The following PHIP variants were observed in gnomAD, a reference collection of about 807,000 sequenced individuals.
PHIP encodes the protein PHIP subunit of CUL4-Ring ligase complex, also known as PH-interacting protein.
PHIP carries 54 observed loss-of-function variants against 236.8 expected under a neutral mutation model. That is an observed-to-expected ratio of 0.23 (90% CI 0.18 to 0.29). The LOEUF (loss-of-function observed/expected upper bound fraction) is 0.29. Ranked by LOEUF, PHIP falls within the 10% of genes least tolerant of loss-of-function variation. PHIP has a pLI of 1.00. For missense variants in PHIP, 1,370 were observed against 2,190.8 expected, an observed-to-expected ratio of 0.63 and a Z score of 7.48; for synonymous variants, 756 against 718.9, an observed-to-expected ratio of 1.05 and a Z score of -0.83.
chr6:78,946,471 A>G (rs771343573), intron 37 of PHIP: 698 of 1,399,248 alleles, frequency 5.0e-4, no homozygotes, highest in Middle Eastern at 1.1e-3. Flanking sequence ...GGAAAGCATG[A>G]TGCCATCACT....
At chr6:79,001,032 A>G (rs1769959265) in intron 17 of PHIP, among the ~76,000 whole-genome samples, 1 of 152,112 alleles carries the variant, frequency 6.6e-6, no homozygotes, top group South Asian at 2.1e-4. Context: ...CTCCTTACAG[A>G]ATCTAATTTC....
intron 6 of PHIP, among the ~76,000 whole-genome samples, chr6:79,048,887 A>G (rs1472181274): frequency 2.6e-5 from 4 of 152,124 alleles, no homozygotes; most frequent in Non-Finnish European, 5.9e-5. Flanking sequence ...TGGAGAACCA[A>G]TTTTTATACA....
At chr6:78,942,936 G>C (rs989493280) in intron 39 of PHIP, among the ~76,000 whole-genome samples, 1 of 152,110 alleles carries the variant, frequency 6.6e-6, no homozygotes, top group Non-Finnish European at 1.5e-5. Flanking sequence ...AAGGAATTCA[G>C]AAGTTTTTTA....
chr6:78,966,515 TC>T (rs1480213985), intron 27 of PHIP, among the ~76,000 whole-genome samples: 1 of 152,084 alleles, frequency 6.6e-6, no homozygotes, highest in African/African-American at 2.4e-5. Flanking sequence ...CAACATAAAA[TC>T]CAACCTGTCT....
intron 10 of PHIP, 26 bp downstream of exon 10, chr6:79,019,063 C>T (rs1770981427): frequency 1.9e-6 from 3 of 1,553,454 alleles, no homozygotes; most frequent in Admixed American, 1.7e-5. Context: ...AACTTTAAGT[C>T]GAAAATTAGA....
chr6:79,077,805 C>CGCCCGCGAGCGGCGAGCGCCGGCCCG, intron 2 of PHIP, 50 bp downstream of exon 2: 2 of 1,094,424 alleles, frequency 1.8e-6, no homozygotes, highest in Non-Finnish European at 2.2e-6. Context: ...CCCTCCCCCA[C>CGCCCGCGAGCGGCGAGCGCCGGCCCG]GCCCGCGAGC....
intron 7 of PHIP, among the ~76,000 whole-genome samples, chr6:79,037,965 T>C (rs67143444): frequency 0.11 from 16,198 of 152,264 alleles, 889 homozygotes; most frequent in Middle Eastern, 0.19. Context: ...TACAATGTAT[T>C]AGAAGCACAA....
intron 39 of PHIP, 99 bp from the exon 40 acceptor site, chr6:78,941,429 G>A: frequency 3.0e-6 from 2 of 661,420 alleles, no homozygotes; most frequent in Non-Finnish European, 5.0e-6. Flanking sequence ...TATATGTAAT[G>A]ACATAATCCA....
intron 7 of PHIP, 21 bp from the exon 8 acceptor site, chr6:79,026,185 T>A: frequency 6.6e-7 from 1 of 1,509,460 alleles, no homozygotes; most frequent in Non-Finnish European, 9.2e-7. Context: ...GAATGGATAT[T>A]AATAGAATTA....
chr6:79,053,465 A>G (rs977691013), intron 6 of PHIP, among the ~76,000 whole-genome samples: 3 of 152,228 alleles, frequency 2.0e-5, no homozygotes, highest in Non-Finnish European at 4.4e-5. Flanking sequence ...GTGCCATAAA[A>G]GTTAATTTAA....
At position 79,037,880 on chromosome 6, in the gene PHIP, T is replaced by TAAC. The variant is rs544908975; in HGVS notation, c.600+4960_600+4962dup. 6.3e-4 allele frequency among the ~76,000 whole-genome samples: 96 copies of TAAC among 152,158 alleles called. 1 individual carries two copies. In the South Asian group the frequency reaches 8.1e-3, roughly 13 times the overall value. On this transcript the variant is annotated intron_variant, in intron 7 of 39. Coordinates refer to ENST00000275034, the MANE Select transcript of PHIP (RefSeq NM_017934.7). ...TGCAAGGCACTACAGATCTAAAAAA[T>TAAC]AACAACAAAGGCAAAGACAAAGCTC...
chr6:78,969,378 C>T (rs1767371181), intron 27 of PHIP, among the ~76,000 whole-genome samples: 2 of 152,130 alleles, frequency 1.3e-5, no homozygotes. Flanking sequence ...TAAATTAATG[C>T]ACCTTAAGTG....
At chr6:78,990,611 G>A (rs1769175991) in intron 20 of PHIP, among the ~76,000 whole-genome samples, 1 of 152,112 alleles carries the variant, frequency 6.6e-6, no homozygotes, top group Admixed American at 6.5e-5. Flanking sequence ...AGTTCTTGAT[G>A]AGGCTTCAGT....
At chr6:78,946,346 T>C in intron 37 of PHIP, 86 bp from the exon 38 acceptor site, 4 of 1,437,054 alleles carry the variant, frequency 2.8e-6, no homozygotes, top group Non-Finnish European at 3.7e-6. Context: ...ATTCAATATT[T>C]GTACTATTAT....
At position 78,988,341 on chromosome 6, in the gene PHIP, A is replaced by C; in HGVS notation, c.2328T>G (p.Ala776=). Reference sequence around the variant, plus strand: ...CTCCAAGATCCAGGAAATGCTCATGAGCATGATTCTAGAAAAAAATAAATT... The same window carrying C: ...CTCCAAGATCCAGGAAATGCTCATGCGCATGATTCTAGAAAAAAATAAATT... ...NKIPTVSKNH[A]HEHFLDLGES... The change falls in exon 21 of 40, where the codon GCT becomes GCG. Residue 776 remains alanine (A), a synonymous_variant. Transcript: ENST00000275034. 6.3e-7 allele frequency: 1 copy of C among 1,583,752 alleles called. No homozygotes were observed. Among genetic ancestry groups the C allele is most frequent in the Non-Finnish European group, 8.6e-7 (1 of 1,166,042 alleles).
intron 12 of PHIP, 117 bp downstream of exon 12, chr6:79,017,229 G>A: frequency 1.6e-6 from 1 of 607,714 alleles, no homozygotes; most frequent in Non-Finnish European, 2.8e-6. Context: ...AGTATAACTG[G>A]TCAAGATCTT....
At position 79,015,767 on chromosome 6, in the gene PHIP, T is replaced by C. The variant is rs1423050884; in HGVS notation, c.1252A>G (p.Ile418Val). 2.5e-6 allele frequency: 4 copies of C among 1,610,518 alleles called. No individual in the cohort carries two copies. Among genetic ancestry groups the C allele is most frequent in the African/African-American group, 2.7e-5 (2 of 74,878 alleles). ...TRPAGQNLQG[I>V]EDKITKMKVT... ...TTCATTTTTGTGATTTTATCTTCTA[T>C]TCCTTGAAGGTTTTGGCTGAAAGTG... The change falls in exon 14 of 40, where the codon ATA (isoleucine) becomes GTA (valine). Residue 418 changes from isoleucine (I) to valine (V), a missense_variant. By Grantham distance (29) the Ile-to-Val change is conservative. This residue lies in a region of PHIP where 188 missense variants were observed against 354.3 expected (regional missense o/e 0.53). Coordinates refer to ENST00000275034, the MANE Select transcript of PHIP (RefSeq NM_017934.7).
chr6:79,005,176 TAGAA>T (rs1430762257), intron 15 of PHIP, among the ~76,000 whole-genome samples: 1 of 151,898 alleles, frequency 6.6e-6, no homozygotes, highest in African/African-American at 2.4e-5. Context: ...CACAAAAACT[TAGAA>T]AAGAAAGGAA....
At position 78,946,203 on chromosome 6, in the gene PHIP, A is replaced by G. The variant is rs757702634; in HGVS notation, c.4428T>C (p.Ser1476=). The change falls in exon 38 of 40, where the codon TCT becomes TCC. Residue 1476 remains serine (S), a synonymous_variant. Coordinates refer to ENST00000275034, the MANE Select transcript of PHIP (RefSeq NM_017934.7). ...TTGATCGTGTAGGTGTAGAGAATGC[A>G]GAGGTAGAGCTTTCTGATTTTAGCT... ...KPQLKSESST[S]AFSTPTRSIP... is the part of the protein sequence containing the mutation. The G allele has an allele frequency of 1.2e-6, 2 of 1,612,852 alleles. No individual in the cohort carries two copies. The highest frequency in any genetic ancestry group is 1.7e-4 in the Middle Eastern group (1 of 6,060).
Sources: gnomAD v4.1 joint callset for allele counts (sites outside exome capture counted in the v4.1 genomes callset) on GRCh38, gnomAD v4.1.1 for gene constraint, gnomAD v4.1.1 regional missense constraint, MANE v1.5 for transcripts, NCBI Gene and HGNC (gene_info 2026-07-23, HGNC 2026-07-21) for gene names.